NXN: variants seen among roughly 807,000 people sequenced by gnomAD.
NXN encodes the protein nucleoredoxin.
A neutral mutation model predicts 48.6 loss-of-function variants in NXN; 16 were observed. The observed-to-expected ratio is 0.33, with a 90% CI of 0.22 to 0.50. NXN has a LOEUF of 0.50. Ranked by LOEUF, NXN falls within the 20% of genes least tolerant of loss-of-function variation. The pLI is 0.98. For missense variants in NXN, 492 were observed against 605.5 expected (o/e 0.81, Z 1.97); for synonymous variants, 281 against 269.6 (o/e 1.04, Z -0.41).
At chr17:912,084 C>T (rs1045442009) in intron 1 of NXN, among the ~76,000 whole-genome samples, 3 of 151,822 alleles carry the variant, frequency 2.0e-5, no homozygotes, top group Non-Finnish European at 4.4e-5. Flanking sequence ...ATTACAGGCG[C>T]CCGCTACCAC....
intron 1 of NXN, among the ~76,000 whole-genome samples, chr17:850,316 G>C (rs1424084809): frequency 6.6e-6 from 1 of 152,180 alleles, no homozygotes; most frequent in African/African-American, 2.4e-5. Flanking sequence ...GCAGAGGAAG[G>C]AGCAAGATGA....
intron 1 of NXN, among the ~76,000 whole-genome samples, chr17:835,285 A>G (rs540207291): frequency 3.0e-4 from 45 of 151,026 alleles, no homozygotes; most frequent in East Asian, 7.9e-4. Flanking sequence ...TCCAGCCTGG[A>G]AGACAGACCG....
rs1340049604 is a variant in NXN at position 920,651 on chromosome 17, G to A, written c.360+58668C>T. Among the ~76,000 whole-genome samples the A allele has an allele frequency of 6.6e-6, 1 of 151,920 alleles. No individual in the cohort carries two copies. Among genetic ancestry groups the A allele is most frequent in the East Asian group, 1.9e-4 (1 of 5,186 alleles). On this transcript the variant is annotated intron_variant, in intron 1 of 7. Transcript: ENST00000336868. This position sits in a 1 kb window ranked among gnomAD's most constrained non-coding sequence, Gnocchi z 4.6. ...TGGCAGCACCCAGGACGTTCTCAAT[G>A]AGGTCTTCATTCATACCGCCTTGCC... is the stretch of plus-strand genomic sequence containing the variant.
chr17:940,128 C>T (rs535859253), intron 1 of NXN, among the ~76,000 whole-genome samples: 10 of 140,048 alleles, frequency 7.1e-5, no homozygotes, highest in Non-Finnish European at 1.6e-4. Context: ...TGGTAGAGAT[C>T]GAGGTGGGGG....
At chr17:910,551 T>C (rs893960016) in intron 1 of NXN, 3 of 152,218 alleles carry the variant, frequency 2.0e-5, no homozygotes, top group Admixed American at 6.5e-5. Flanking sequence ...TAGAAGAATT[T>C]ATCATCCGTT....
chr17:967,552 G>T (rs2069321518), intron 1 of NXN, among the ~76,000 whole-genome samples: 1 of 152,192 alleles, frequency 6.6e-6, no homozygotes, highest in South Asian at 2.1e-4. Flanking sequence ...CAGGAATGTG[G>T]CAAGGAGGCA....
rs10644625 is a variant in NXN at position 808,305 on chromosome 17, A to ATTT, written c.821-3061_821-3059dup. Among the ~76,000 whole-genome samples the ATTT allele has an allele frequency of 8.4e-4, 118 of 140,442 alleles. 1 individual carries two copies. Among genetic ancestry groups the ATTT allele is most frequent in the East Asian group, 1.9e-3 (9 of 4,764 alleles). 92.1% of individuals were successfully genotyped at this position (140,442 alleles called of 152,430 possible). ...TTGAAGCAGGTTCTCTGAAATACAC[A>ATTT]TTTTTTTTTTTTTTTTAGACGCAGT... On this transcript the variant is annotated intron_variant, in intron 5 of 7. Coordinates refer to ENST00000336868, the MANE Select transcript of NXN (RefSeq NM_022463.5).
chr17:958,382 C>T lies in NXN; in HGVS notation c.360+20937G>A, dbSNP rs529911435. Reference sequence around the variant, plus strand: ...CTGGAAGCAGCAGGGCGCGGTGGCTCGCACCTGTCATCCCAGTGCCTGGGA... The same window carrying T: ...CTGGAAGCAGCAGGGCGCGGTGGCTTGCACCTGTCATCCCAGTGCCTGGGA... On this transcript the variant is annotated intron_variant, in intron 1 of 7. Transcript: ENST00000336868. This position sits in a 1 kb window ranked among gnomAD's most constrained non-coding sequence, Gnocchi z 6.9. 2.7e-4 allele frequency among the ~76,000 whole-genome samples: 41 copies of T among 152,220 alleles called. No homozygotes were observed. Among genetic ancestry groups the T allele is most frequent in the African/African-American group, 7.9e-4 (33 of 41,534 alleles).
chr17:843,016 GAAAGAAAGAAAGAAAGAA>G (rs1567829038), intron 1 of NXN, among the ~76,000 whole-genome samples: 8 of 113,212 alleles, frequency 7.1e-5, no homozygotes, highest in African/African-American at 1.1e-4. Context: ...GAGAAAGAAA[GAAAGAAAGAAAGAAAGAA>G]AGAAAGAAAG....
rs1049149853 is a variant in NXN at position 846,790 on chromosome 17, G to A, written c.361-20712C>T. Among the ~76,000 whole-genome samples the A allele has an allele frequency of 2.0e-5, 3 of 152,288 alleles. No individual in the cohort carries two copies. In the East Asian group the frequency reaches 5.8e-4, roughly 29 times the overall value. ...AAGGAAAGGAATGTGAGCTGGTACT[G>A]ATAACGCTTGGTACTGTGGCATGCT... On this transcript the variant is annotated intron_variant, in intron 1 of 7. Coordinates refer to ENST00000336868, the MANE Select transcript of NXN (RefSeq NM_022463.5).
At chr17:826,758 G>A (rs1490441867) in intron 1 of NXN, among the ~76,000 whole-genome samples, 1 of 152,132 alleles carries the variant, frequency 6.6e-6, no homozygotes, top group Admixed American at 6.5e-5. Flanking sequence ...CAAAGCACCA[G>A]GGAAGCAATG....
rs942624061 is a variant in NXN at position 958,569 on chromosome 17, G to C, written c.360+20750C>G. ...GGGTGGATCACGAGGTCAGGAGTTC[G>C]AGACCAGCCTGGCCAACATGGTGAA... On this transcript the variant is annotated intron_variant, in intron 1 of 7. Transcript: ENST00000336868. This position sits in a 1 kb window ranked among gnomAD's most constrained non-coding sequence, Gnocchi z 6.9. Among the ~76,000 whole-genome samples, 43 of 152,066 alleles carry C rather than the reference G, an allele frequency of 2.8e-4. No individual in the cohort carries two copies. Among genetic ancestry groups the C allele is most frequent in the African/African-American group, 1.0e-3 (42 of 41,386 alleles).
At chr17:827,482 G>A (rs1291587793) in intron 1 of NXN, among the ~76,000 whole-genome samples, 2 of 152,176 alleles carry the variant, frequency 1.3e-5, no homozygotes, top group Non-Finnish European at 2.9e-5. Flanking sequence ...AATTAGCCGG[G>A]CGTGGTGGCG....
At chr17:910,127 C>T (rs969429432) in intron 1 of NXN, among the ~76,000 whole-genome samples, 6 of 152,074 alleles carry the variant, frequency 3.9e-5, no homozygotes, top group Non-Finnish European at 7.4e-5. Flanking sequence ...AAATTCTAAT[C>T]TTGGCCAGGC....
rs547817813 is a variant in NXN, at chr17:910,879, G to A, written c.360+68440C>T. On this transcript the variant is annotated intron_variant, in intron 1 of 7. Transcript: ENST00000336868. ...CTTCTCACACAGGGATGTAACAGGC[G>A]GCAGAAAGAAGGAATTCCCTCCCCG... 9.2e-5 allele frequency: 14 copies of A among 152,260 alleles called. 1 individual carries two copies. The highest frequency in any genetic ancestry group is 5.2e-4 in the Admixed American group (8 of 15,286). The allele number at this position is 152,260 out of a possible 1,614,324, so 9.4% of individuals were successfully genotyped here.
At chr17:810,014 T>C (rs866346452) in intron 5 of NXN, among the ~76,000 whole-genome samples, 174 of 134,328 alleles carry the variant, frequency 1.3e-3, no homozygotes, top group Middle Eastern at 5.6e-3. Context: ...AGTCTGTGAG[T>C]GGCGTGCACG....
chr17:810,017 C>A (rs1423218767), intron 5 of NXN, among the ~76,000 whole-genome samples: 1 of 122,368 alleles, frequency 8.2e-6, no homozygotes, highest in East Asian at 2.6e-4. Flanking sequence ...CTGTGAGTGG[C>A]GTGCACGTTA....
chr17:972,778 T>A (rs1012127734), intron 1 of NXN, among the ~76,000 whole-genome samples: 1 of 152,182 alleles, frequency 6.6e-6, no homozygotes, highest in Non-Finnish European at 1.5e-5. Flanking sequence ...ACGCCTGTAA[T>A]CCCAGCACTT....
chr17:883,934 C>T (rs2068313300), intron 1 of NXN, among the ~76,000 whole-genome samples: 1 of 152,186 alleles, frequency 6.6e-6, no homozygotes, highest in South Asian at 2.1e-4. Flanking sequence ...TAAAACATTG[C>T]TGGGCCGGGC....
Sources: gnomAD v4.1 joint callset for allele counts (sites outside exome capture counted in the v4.1 genomes callset) on GRCh38, gnomAD v4.1.1 for gene constraint, Gnocchi (gnomAD v3.1) non-coding constraint, MANE v1.5 for transcripts, NCBI Gene and HGNC (gene_info 2026-07-23, HGNC 2026-07-21) for gene names.